Variants in SARNP observed in about 807,000 individuals in gnomAD.
SARNP encodes the protein SAP domain-containing ribonucleoprotein.
In SARNP, 5 loss-of-function variants were observed where a neutral mutation model predicts 38.1. The observed-to-expected ratio is 0.13, with a 90% CI of 0.07 to 0.28. The LOEUF is 0.28. Among genes scored for constraint, SARNP ranks in the 10% least tolerant of loss-of-function variants. The pLI, the probability that SARNP is intolerant of heterozygous loss-of-function variation, is 1.00. For missense variants in SARNP, 180 were observed against 243.9 expected (o/e 0.74, Z 1.75); for synonymous variants, 84 against 80.6 (o/e 1.04, Z -0.23).
At chr12:55,777,424 G>T (rs1428073907) in intron 9 of SARNP, among the ~76,000 whole-genome samples, 1 of 151,116 alleles carries the variant, frequency 6.6e-6, no homozygotes, top group Admixed American at 6.6e-5. Flanking sequence ...GCCCAGGCTG[G>T]AGTGCAGTGG....
At chr12:55,786,529 A>C (rs1879500968) in intron 9 of SARNP, among the ~76,000 whole-genome samples, 1 of 152,192 alleles carries the variant, frequency 6.6e-6, no homozygotes, top group African/African-American at 2.4e-5. Flanking sequence ...GGCTCACCGC[A>C]GCCTCCGCCC....
chr12:55,774,926 G>A (rs1405138101), intron 9 of SARNP, among the ~76,000 whole-genome samples: 4 of 127,482 alleles, frequency 3.1e-5, no homozygotes, highest in East Asian at 2.2e-4. Context: ...TCGCTCTGTC[G>A]CCCAGACTGG....
chr12:55,803,516 G>A (rs891375808), intron 2 of SARNP, 113 bp downstream of exon 2: 9 of 564,574 alleles, frequency 1.6e-5, no homozygotes, highest in African/African-American at 3.9e-5. Flanking sequence ...TCTTGATGCC[G>A]TTAATTAAGA....
chr12:55,771,149 G>C (rs1878997752), intron 9 of SARNP, among the ~76,000 whole-genome samples: 2 of 151,970 alleles, frequency 1.3e-5, no homozygotes, highest in South Asian at 4.2e-4. Flanking sequence ...GTAGAAACGG[G>C]GTTTCACCAT....
chr12:55,779,237 C>G (rs372991311), intron 9 of SARNP, among the ~76,000 whole-genome samples: 2 of 152,182 alleles, frequency 1.3e-5, no homozygotes, highest in East Asian at 3.8e-4. Flanking sequence ...TTGGGGAAAA[C>G]TGATAACCTA....
At chr12:55,764,703 T>G (rs777086490) in intron 9 of SARNP, among the ~76,000 whole-genome samples, 36 of 147,100 alleles carry the variant, frequency 2.4e-4, no homozygotes, top group Admixed American at 5.5e-4. Flanking sequence ...CTGGGTGTGG[T>G]GGCGAGTAGT....
chr12:55,806,279 T>A (rs1259522963), intron 1 of SARNP, among the ~76,000 whole-genome samples: 2 of 151,212 alleles, frequency 1.3e-5, no homozygotes, highest in Admixed American at 6.6e-5. Flanking sequence ...AAAAAAATTT[T>A]TTTTTTTTTT....
At position 55,787,637 on chromosome 12, in the gene SARNP, A is replaced by G. The variant is rs193101732; in HGVS notation, c.501+1438T>C. ...GTTTTAGTAGAGACAGGGTTTCACCATGTTGGCTGGGCTGGTCTCAACTCC... is the reference window on the plus strand; with the variant it reads ...GTTTTAGTAGAGACAGGGTTTCACCGTGTTGGCTGGGCTGGTCTCAACTCC... On this transcript the variant is annotated intron_variant, in intron 9 of 10. Transcript: ENST00000336133. Among the ~76,000 whole-genome samples the G allele has an allele frequency of 2.2e-3, 338 of 152,026 alleles. 1 individual carries two copies. The highest frequency in any genetic ancestry group is 6.5e-3 in the African/African-American group (270 of 41,452).
intron 1 of SARNP, among the ~76,000 whole-genome samples, chr12:55,807,918 CACTTT>C (rs1181666677): frequency 6.6e-6 from 1 of 151,812 alleles, no homozygotes; most frequent in African/African-American, 2.4e-5. Flanking sequence ...ATCTTAATTA[CACTTT>C]AAATTTTTTG....
chr12:55,812,815 T>C lies in SARNP; in HGVS notation c.36+4851A>G, dbSNP rs527357902. Among the ~76,000 whole-genome samples, 13 of 152,402 alleles carry C rather than the reference T, an allele frequency of 8.5e-5. No homozygotes were observed. The Middle Eastern group carries it at 0.014, about 159-fold the overall frequency. Reference sequence around the variant, plus strand: ...TGCTTATTCACTCAACAAATCGTTATTGAGCACCTACTGTATTATCAAGTA... The same window carrying C: ...TGCTTATTCACTCAACAAATCGTTACTGAGCACCTACTGTATTATCAAGTA... On this transcript the variant is annotated intron_variant, in intron 1 of 10. Coordinates refer to ENST00000336133, the MANE Select transcript of SARNP (RefSeq NM_033082.4).
intron 1 of SARNP, among the ~76,000 whole-genome samples, chr12:55,815,502 C>G (rs1274829194): frequency 6.6e-6 from 1 of 152,176 alleles, no homozygotes; most frequent in Non-Finnish European, 1.5e-5. Flanking sequence ...GTCCCCCAGG[C>G]TGGAGTGCAG....
intron 7 of SARNP, among the ~76,000 whole-genome samples, chr12:55,791,059 A>G (rs1490106753): frequency 3.3e-5 from 5 of 152,258 alleles, no homozygotes; most frequent in African/African-American, 1.2e-4. Flanking sequence ...GAACCTTGAA[A>G]ACTATGCTAA....
At chr12:55,801,036 C>A in intron 2 of SARNP, 136 bp from the exon 3 acceptor site, 3 of 699,918 alleles carry the variant, frequency 4.3e-6, no homozygotes, top group East Asian at 2.7e-5. Flanking sequence ...CACATAAAAT[C>A]TGCTACATCT....
chr12:55,761,213 C>T (rs916375910), intron 9 of SARNP, among the ~76,000 whole-genome samples: 1 of 151,700 alleles, frequency 6.6e-6, no homozygotes, highest in Non-Finnish European at 1.5e-5. Flanking sequence ...CAGTAAGAAA[C>T]ACCCATAAAA....
chr12:55,801,768 T>C (rs539590741), intron 2 of SARNP, among the ~76,000 whole-genome samples: 78 of 152,046 alleles, frequency 5.1e-4, no homozygotes, highest in African/African-American at 1.8e-3. Flanking sequence ...CAGGTGCACA[T>C]CACCACACCC....
At chr12:55,781,490 C>T (rs960184671) in intron 9 of SARNP, among the ~76,000 whole-genome samples, 12 of 149,592 alleles carry the variant, frequency 8.0e-5, no homozygotes, top group African/African-American at 2.5e-4. Context: ...GCTGAGATTG[C>T]GCTGCTCCAC....
At chr12:55,788,598 A>G (rs568766791) in intron 9 of SARNP, among the ~76,000 whole-genome samples, 1 of 152,132 alleles carries the variant, frequency 6.6e-6, no homozygotes, top group Non-Finnish European at 1.5e-5. Flanking sequence ...GGAGTTTGAG[A>G]CCAGCTTGGG....
At chr12:55,786,576 A>T (rs1244687792) in intron 9 of SARNP, among the ~76,000 whole-genome samples, 1 of 152,082 alleles carries the variant, frequency 6.6e-6, no homozygotes, top group Non-Finnish European at 1.5e-5. Flanking sequence ...CAGCCTCCCA[A>T]GTAGCTGGGA....
At chr12:55,813,452 A>G (rs950346001) in intron 1 of SARNP, among the ~76,000 whole-genome samples, 1 of 152,018 alleles carries the variant, frequency 6.6e-6, no homozygotes, top group African/African-American at 2.4e-5. Flanking sequence ...CTCCAATTGC[A>G]GCATATGTGA....
Sources: gnomAD v4.1 joint callset for allele counts (sites outside exome capture counted in the v4.1 genomes callset) on GRCh38, gnomAD v4.1.1 for gene constraint, MANE v1.5 for transcripts, NCBI Gene and HGNC (gene_info 2026-07-23, HGNC 2026-07-21) for gene names.